PEAK1: variants seen among roughly 807,000 people sequenced by gnomAD.
The protein encoded by PEAK1 is inactive tyrosine-protein kinase PEAK1.
A neutral mutation model predicts 124.7 loss-of-function variants in PEAK1; 54 were observed. The ratio of observed to expected loss-of-function variants is 0.43; its 90% CI spans 0.35 to 0.54. PEAK1 has a LOEUF of 0.54. PEAK1 is among the 20% of genes least tolerant of loss of function. The pLI, the probability that PEAK1 is intolerant of heterozygous loss-of-function variation, is 0.01. For synonymous variants in PEAK1, 719 were observed against 760.0 expected, an observed-to-expected ratio of 0.95 and a Z score of 0.89; for missense variants, 2,046 against 2,134.5, an observed-to-expected ratio of 0.96 and a Z score of 0.82.
At chr15:77,346,239 T>C in intron 2 of PEAK1, 1 of 922,750 alleles carries the variant, frequency 1.1e-6, no homozygotes, top group South Asian at 5.0e-5. Context: ...AGTTTCAATG[T>C]CATCTCTTCT....
At chr15:77,191,891 T>A (rs568282023) in intron 6 of PEAK1, among the ~76,000 whole-genome samples, 5 of 151,996 alleles carry the variant, frequency 3.3e-5, no homozygotes, top group African/African-American at 1.2e-4. Context: ...TATCAACCAG[T>A]GGGATAATAA....
chr15:77,161,893 G>C (rs7173670), intron 7 of PEAK1, among the ~76,000 whole-genome samples: 30,712 of 150,288 alleles, frequency 0.2, 3,917 homozygotes, highest in Middle Eastern at 0.29. Context: ...TTGAACTCAG[G>C]GGGCAGAGGT....
chr15:77,314,530 C>T (rs918017544), intron 2 of PEAK1, among the ~76,000 whole-genome samples: 1 of 151,968 alleles, frequency 6.6e-6, no homozygotes, highest in African/African-American at 2.4e-5. Flanking sequence ...CCACCACGCC[C>T]AGCTAATTTT....
chr15:77,403,393 G>A (rs1014818422), intron 1 of PEAK1: 21 of 918,842 alleles, frequency 2.3e-5, no homozygotes, highest in South Asian at 2.0e-4. Flanking sequence ...AAAATATTAC[G>A]GGTAAGTAAA....
chr15:77,257,783 T>C (rs1191301847), intron 5 of PEAK1, among the ~76,000 whole-genome samples: 1 of 151,968 alleles, frequency 6.6e-6, no homozygotes, highest in Non-Finnish European at 1.5e-5. Context: ...TTTGGTGTTT[T>C]AGACATGAAG....
At chr15:77,248,822 T>C (rs201815881) in intron 6 of PEAK1, among the ~76,000 whole-genome samples, 1 of 143,862 alleles carries the variant, frequency 7.0e-6, no homozygotes, top group South Asian at 2.2e-4. Context: ...TTTTATTTTA[T>C]TTTAATGTTA....
chr15:77,299,712 T>C (rs2063691423), intron 2 of PEAK1, among the ~76,000 whole-genome samples: 3 of 152,346 alleles, frequency 2.0e-5, no homozygotes, highest in South Asian at 4.1e-4. Flanking sequence ...ATTTCAGTTA[T>C]GCATTTTTGA....
chr15:77,380,458 G>A (rs974497826), intron 1 of PEAK1, among the ~76,000 whole-genome samples: 5 of 152,066 alleles, frequency 3.3e-5, no homozygotes, highest in Non-Finnish European at 5.9e-5. Flanking sequence ...GTGGTCCACT[G>A]TCAAAGAGAT....
intron 2 of PEAK1, among the ~76,000 whole-genome samples, chr15:77,296,047 G>A (rs958104563): frequency 1.3e-5 from 2 of 152,178 alleles, no homozygotes; most frequent in African/African-American, 4.8e-5. Context: ...GATGGAAAAG[G>A]AAGTGTATTA....
chr15:77,186,219 GA>G (rs2057539350), intron 6 of PEAK1, among the ~76,000 whole-genome samples: 1 of 152,112 alleles, frequency 6.6e-6, no homozygotes, highest in Admixed American at 6.5e-5. Flanking sequence ...ATACAAAAAA[GA>G]ATAAGGCATC....
At chr15:77,390,260 T>A (rs911064597) in intron 1 of PEAK1, among the ~76,000 whole-genome samples, 2 of 152,158 alleles carry the variant, frequency 1.3e-5, no homozygotes, top group African/African-American at 4.8e-5. Context: ...CCTAACTGTA[T>A]AAGTAAGAGC....
intron 2 of PEAK1, among the ~76,000 whole-genome samples, chr15:77,323,084 C>CG (rs1192245232): frequency 1.3e-5 from 2 of 150,146 alleles, no homozygotes; most frequent in South Asian, 4.2e-4. Context: ...AATTCAACAA[C>CG]CTTCATGCTA....
intron 6 of PEAK1, among the ~76,000 whole-genome samples, chr15:77,209,099 G>A (rs1411964379): frequency 1.3e-5 from 2 of 152,108 alleles, no homozygotes; most frequent in East Asian, 1.9e-4. Flanking sequence ...CAGGAAATGA[G>A]TGTTGAAAAA....
At chr15:77,314,267 T>A (rs1428823334) in intron 2 of PEAK1, among the ~76,000 whole-genome samples, 1 of 152,090 alleles carries the variant, frequency 6.6e-6, no homozygotes, top group Non-Finnish European at 1.5e-5. Flanking sequence ...TCAAATCCTG[T>A]TCCAATGAAA....
rs183907211 is a variant in PEAK1, at chr15:77,207,725, A to G, written c.-114-25685T>C. On this transcript the variant is annotated intron_variant, in intron 6 of 9. Coordinates refer to ENST00000682557, the MANE Select transcript of PEAK1 (RefSeq NM_001385026.1). Reference sequence around the variant, plus strand: ...CAGAGGGGAATTTTAGGGCAGTGAAACTATTCTATATGATACTATAATGGT... The same window carrying G: ...CAGAGGGGAATTTTAGGGCAGTGAAGCTATTCTATATGATACTATAATGGT... Among the ~76,000 whole-genome samples the G allele has an allele frequency of 1.5e-3, 224 of 152,244 alleles. 1 individual carries two copies. The highest frequency in any genetic ancestry group is 5.2e-3 in the African/African-American group (218 of 41,560).
At chr15:77,346,666 A>T (rs1485665420) in intron 2 of PEAK1, 1 of 984,316 alleles carries the variant, frequency 1.0e-6, no homozygotes, top group Non-Finnish European at 1.2e-6. Flanking sequence ...AAAAATATTA[A>T]TTGCAAAAAC....
At chr15:77,359,171 C>A (rs1031698035) in intron 2 of PEAK1, among the ~76,000 whole-genome samples, 1 of 152,170 alleles carries the variant, frequency 6.6e-6, no homozygotes, top group Non-Finnish European at 1.5e-5. Flanking sequence ...AGCACAGTGG[C>A]TCACATGTAT....
chr15:77,262,158 T>C (rs926839150), intron 5 of PEAK1, among the ~76,000 whole-genome samples: 26 of 151,984 alleles, frequency 1.7e-4, no homozygotes, highest in African/African-American at 3.6e-4. Context: ...CAAAAACATG[T>C]CAAACTGTAA....
chr15:77,146,019 C>T (rs576824382), intron 8 of PEAK1, among the ~76,000 whole-genome samples: 63 of 152,236 alleles, frequency 4.1e-4, no homozygotes, highest in African/African-American at 1.5e-3. Flanking sequence ...AATTTTCTCC[C>T]CAGGGCTCAA....
Sources: allele counts gnomAD v4.1 joint callset (sites outside exome capture counted in the v4.1 genomes callset), GRCh38; gene constraint gnomAD v4.1.1; transcripts MANE v1.5; gene names NCBI Gene and HGNC (gene_info 2026-07-23, HGNC 2026-07-21).